The following MGST1 variants were observed in gnomAD, a reference collection of about 807,000 sequenced individuals.
The protein encoded by MGST1 is glutathione S-transferase 12.
A neutral mutation model predicts 8.9 loss-of-function variants in MGST1; 5 were observed. That is an observed-to-expected ratio of 0.56 (90% CI 0.29 to 1.19). The LOEUF (loss-of-function observed/expected upper bound fraction) is 1.19, where lower values mean the gene tolerates loss of function less well. Ranked by LOEUF, MGST1 falls within the 50% of genes most tolerant of loss-of-function variation. The probability of loss-of-function intolerance (pLI) is 0.08; values close to 1 mark genes in which losing one functional copy is unlikely to be tolerated. For missense variants in MGST1, 182 were observed against 187.4 expected (o/e 0.97, Z 0.17); for synonymous variants, 54 against 67.8 (o/e 0.80, Z 1.00).
At chr12:16,386,752 A>C (rs1940507321) in intron 1 of MGST1, among the ~76,000 whole-genome samples, 1 of 152,124 alleles carries the variant, frequency 6.6e-6, no homozygotes, top group South Asian at 2.1e-4. Context: ...GGTCACTTGC[A>C]GTTCAAAAAT....
At chr12:16,486,871 G>A (rs571785304) in intron 4 of MGST1, among the ~76,000 whole-genome samples, 12 of 127,334 alleles carry the variant, frequency 9.4e-5, no homozygotes, top group Admixed American at 6.5e-4. Flanking sequence ...TGGGTACAGG[G>A]TTCTACTTGA....
At chr12:16,495,799 C>T (rs766528162) in intron 4 of MGST1, among the ~76,000 whole-genome samples, 7 of 151,766 alleles carry the variant, frequency 4.6e-5, no homozygotes, top group Non-Finnish European at 8.8e-5. Flanking sequence ...AATATACTGT[C>T]TTCTGTCTCT....
intron 1 of MGST1, among the ~76,000 whole-genome samples, chr12:16,433,115 A>G (rs1381369282): frequency 1.3e-5 from 2 of 152,122 alleles, no homozygotes; most frequent in Non-Finnish European, 2.9e-5. Context: ...CCAAGTCCCA[A>G]AACTGAAGAA....
chr12:16,530,597 A>C (rs1417502325), intron 4 of MGST1, among the ~76,000 whole-genome samples: 1 of 152,120 alleles, frequency 6.6e-6, no homozygotes, highest in Non-Finnish European at 1.5e-5. Context: ...CAGTTTATGG[A>C]GGGGGTGAAG....
chr12:16,398,718 C>T (rs1940626892), intron 1 of MGST1, among the ~76,000 whole-genome samples: 1 of 152,196 alleles, frequency 6.6e-6, no homozygotes, highest in African/African-American at 2.4e-5. Flanking sequence ...CAGGAAAACT[C>T]GGACAAAGGC....
intron 4 of MGST1, among the ~76,000 whole-genome samples, chr12:16,511,175 G>T (rs929545512): frequency 2.0e-4 from 31 of 152,236 alleles, no homozygotes; most frequent in East Asian, 1.9e-4. Context: ...TGTTAGGCAA[G>T]TTAAAGTAGG....
At chr12:16,581,788 A>G (rs1218332164) in intron 4 of MGST1, among the ~76,000 whole-genome samples, 1 of 152,048 alleles carries the variant, frequency 6.6e-6, no homozygotes, top group African/African-American at 2.4e-5. Context: ...TCTAAAGCAT[A>G]TATATTTTAA....
intron 1 of MGST1, among the ~76,000 whole-genome samples, chr12:16,422,353 G>A (rs956544630): frequency 6.6e-6 from 1 of 152,210 alleles, no homozygotes; most frequent in South Asian, 2.1e-4. Context: ...AGTGGGAGAA[G>A]TTCCCCTTAC....
chr12:16,356,380 G>A (rs966340565), intron 2 of MGST1, among the ~76,000 whole-genome samples: 1 of 152,024 alleles, frequency 6.6e-6, no homozygotes, highest in South Asian at 2.1e-4. Flanking sequence ...GGAGCACTAC[G>A]ATGAACAAGA....
At chr12:16,488,144 A>G (rs907726907) in intron 4 of MGST1, among the ~76,000 whole-genome samples, 1 of 152,228 alleles carries the variant, frequency 6.6e-6, no homozygotes, top group Non-Finnish European at 1.5e-5. Flanking sequence ...GTCTAGGAGA[A>G]TGTGAAGTTG....
intron 4 of MGST1, among the ~76,000 whole-genome samples, chr12:16,511,985 A>C (rs1941580100): frequency 6.6e-6 from 1 of 152,166 alleles, no homozygotes; most frequent in Admixed American, 6.5e-5. Context: ...TTCAGTGTTT[A>C]TGTCAGTCTA....
In MGST1 at chr12:16,452,596, T is replaced by G. The variant is rs559643867; in HGVS notation, n.482+68992T>G. Among the ~76,000 whole-genome samples the G allele has an allele frequency of 8.6e-5, 13 of 151,974 alleles. No individual in the cohort carries two copies. The South Asian group carries it at 2.5e-3, about 29-fold the overall frequency. On this transcript the variant is annotated intron_variant and non_coding_transcript_variant, in intron 4 of 4. Coordinates refer to the MGST1 transcript ENST00000538857. ...ATACTCGAAACTATGTTCCAAGTAC[T>G]GTGTTAAGTATCTGACAGTATTTAT...
intron 4 of MGST1, among the ~76,000 whole-genome samples, chr12:16,564,800 T>G (rs976426718): frequency 1.3e-5 from 2 of 152,188 alleles, no homozygotes; most frequent in African/African-American, 4.8e-5. Flanking sequence ...TTAGAAGTTA[T>G]TTTATTTTAG....
intron 4 of MGST1, among the ~76,000 whole-genome samples, chr12:16,493,287 A>G (rs890946171): frequency 2.6e-5 from 4 of 152,156 alleles, no homozygotes; most frequent in East Asian, 1.9e-4. Flanking sequence ...TCAAAATTGC[A>G]TAAGCCTTTT....
At chr12:16,355,598 G>A (rs892149198) in intron 2 of MGST1, among the ~76,000 whole-genome samples, 1 of 152,166 alleles carries the variant, frequency 6.6e-6, no homozygotes, top group African/African-American at 2.4e-5. Context: ...CAAAGTGGCT[G>A]TCTGCTTCCA....
At chr12:16,524,764 T>G (rs1410470541) in intron 4 of MGST1, among the ~76,000 whole-genome samples, 2 of 152,088 alleles carry the variant, frequency 1.3e-5, no homozygotes, top group Admixed American at 1.3e-4. Flanking sequence ...TATACAGAGC[T>G]TACATATTTA....
intron 1 of MGST1, among the ~76,000 whole-genome samples, chr12:16,387,642 T>A (rs1204156155): frequency 6.6e-6 from 1 of 151,836 alleles, no homozygotes; most frequent in Non-Finnish European, 1.5e-5. Flanking sequence ...TTCTCCTGCC[T>A]CAGCCTCCCG....
At chr12:16,372,701 C>T (rs1373436778) in intron 3 of MGST1, among the ~76,000 whole-genome samples, 1 of 151,758 alleles carries the variant, frequency 6.6e-6, no homozygotes, top group African/African-American at 2.4e-5. Context: ...GAACGGAAAT[C>T]AGTATATTAA....
intron 4 of MGST1, among the ~76,000 whole-genome samples, chr12:16,465,214 A>G (rs1941245603): frequency 6.6e-6 from 1 of 152,204 alleles, no homozygotes. Flanking sequence ...TTTTGACTGA[A>G]TCCTTTTGAA....
Sources: allele counts gnomAD v4.1 joint callset (sites outside exome capture counted in the v4.1 genomes callset), GRCh38; gene constraint gnomAD v4.1.1; transcripts MANE v1.5; gene names NCBI Gene and HGNC (gene_info 2026-07-23, HGNC 2026-07-21).